The following FNDC3B variants were observed in gnomAD, a reference collection of about 807,000 sequenced individuals.
FNDC3B encodes the protein fibronectin type III domain-containing protein 3B.
Under a neutral mutation model 151.5 loss-of-function variants are expected in FNDC3B, and 12 were observed. The ratio of observed to expected loss-of-function variants is 0.08; its 90% CI spans 0.05 to 0.13. FNDC3B has a LOEUF of 0.13. Ranked by LOEUF, FNDC3B falls within the 10% of genes least tolerant of loss-of-function variation. FNDC3B has a pLI of 1.00. For synonymous variants in FNDC3B, 528 were observed against 549.0 expected (o/e 0.96, Z 0.54); for missense variants, 1,214 against 1,505.3 (o/e 0.81, Z 3.20).
At chr3:172,068,285 A>G (rs1324317667) in intron 1 of FNDC3B, among the ~76,000 whole-genome samples, 1 of 152,206 alleles carries the variant, frequency 6.6e-6, no homozygotes. Context: ...AAAGAACAGA[A>G]GCTAATGATG....
intron 9 of FNDC3B, chr3:172,302,944 G>GAC (rs1731004479): frequency 6.6e-6 from 1 of 151,806 alleles, no homozygotes; most frequent in African/African-American, 2.4e-5. Flanking sequence ...CAGAGACAGA[G>GAC]AGACAAGAGA....
At position 172,362,700 on chromosome 3, in the gene FNDC3B, C is replaced by T. The variant is rs751768080; in HGVS notation, c.2863C>T (p.Arg955Trp). 5.0e-6 allele frequency: 8 copies of T among 1,613,932 alleles called. No homozygotes were observed. Among genetic ancestry groups the T allele is most frequent in the Middle Eastern group, 3.3e-4 (2 of 6,062 alleles). The part of the protein sequence containing the change: ...PFSQFIKAKT[R>W]PLPPLPPRLE... ...TAGTCAGTTCATTAAAGCAAAAACTCGGCCATTACCACCCTTGCCTCCTAG... is the reference window on the plus strand; with the variant it reads ...TAGTCAGTTCATTAAAGCAAAAACTTGGCCATTACCACCCTTGCCTCCTAG... Residue 955 changes from arginine (R) to tryptophan (W), a missense_variant, in exon 23 of 26, where the codon CGG (arginine) becomes TGG (tryptophan). Physicochemically the swap from Arg to Trp is moderately radical, Grantham distance 101. Around this residue, in one of 7 missense-constraint regions of FNDC3B, gnomAD observed 284 missense variants for 392.4 expected, o/e 0.72. Coordinates refer to ENST00000415807, the MANE Select transcript of FNDC3B (RefSeq NM_022763.4).
At position 172,379,865 on chromosome 3, in the gene FNDC3B, G is replaced by A. The variant is rs563965421; in HGVS notation, c.3176-1101G>A. Among the ~76,000 whole-genome samples, 7 of 152,278 alleles carry A rather than the reference G, an allele frequency of 4.6e-5. No individual in the cohort carries two copies. The East Asian group carries it at 9.7e-4, about 21-fold the overall frequency. ...CAAAAAATACAATGGCACATTGATA[G>A]TGCTTGCATCTCCCAGCCTTTCTAC... On this transcript the variant is annotated intron_variant, in intron 24 of 25. Transcript: ENST00000415807.
chr3:172,306,381 C>T (rs1731201712), intron 9 of FNDC3B, among the ~76,000 whole-genome samples: 1 of 152,150 alleles, frequency 6.6e-6, no homozygotes, highest in African/African-American at 2.4e-5. Context: ...TCTGTGTTTC[C>T]TTCTGTCTGC....
intron 1 of FNDC3B, among the ~76,000 whole-genome samples, chr3:172,041,469 CCTT>C (rs1428729663): frequency 2.8e-5 from 4 of 143,776 alleles, no homozygotes; most frequent in Non-Finnish European, 6.0e-5. Context: ...TCCTCCTCCT[CCTT>C]CTTGTTCTTG....
intron 11 of FNDC3B, among the ~76,000 whole-genome samples, chr3:172,316,052 G>A (rs996939038): frequency 3.0e-5 from 4 of 135,134 alleles, no homozygotes; most frequent in African/African-American, 1.1e-4. Context: ...TTGTTGCCCA[G>A]GCTGGAGTGC....
chr3:172,051,875 A>G (rs546691274), intron 1 of FNDC3B, among the ~76,000 whole-genome samples: 1 of 152,298 alleles, frequency 6.6e-6, no homozygotes, highest in East Asian at 1.9e-4. Context: ...TCATGTTTCT[A>G]TTAGATTGTG....
chr3:172,242,810 G>C (rs566995723), intron 4 of FNDC3B, among the ~76,000 whole-genome samples: 1 of 152,318 alleles, frequency 6.6e-6, no homozygotes, highest in Admixed American at 6.5e-5. Context: ...CAGTGGGCTT[G>C]AATTTCTCCT....
At chr3:172,153,851 G>A (rs561488847) in intron 3 of FNDC3B, among the ~76,000 whole-genome samples, 103 of 152,230 alleles carry the variant, frequency 6.8e-4, no homozygotes, top group Middle Eastern at 3.4e-3. Context: ...GGTTGGTGGC[G>A]ATGTGAGCTC....
chr3:172,168,776 G>T (rs1482622819), intron 3 of FNDC3B, among the ~76,000 whole-genome samples: 1 of 148,834 alleles, frequency 6.7e-6, no homozygotes, highest in African/African-American at 2.5e-5. Flanking sequence ...GCAGTGGCGC[G>T]ATCTCGGCTC....
Position 172,057,697 on chromosome 3 carries a change from T to C in FNDC3B, c.-29+17926T>C, listed in dbSNP as rs368054817. On this transcript the variant is annotated intron_variant, in intron 1 of 25. Transcript: ENST00000415807. ...ATAACATCTACCTTTTTTTTTTTTT[T>C]TTTAAATGAGGCAGTCAGTGCAGTC... Among the ~76,000 whole-genome samples the C allele has an allele frequency of 5.4e-3, 821 of 151,988 alleles. 2 individuals carry two copies. The highest frequency in any genetic ancestry group is 8.5e-3 in the Non-Finnish European group (576 of 67,938).
intron 21 of FNDC3B, among the ~76,000 whole-genome samples, chr3:172,349,891 G>A (rs1482069789): frequency 6.6e-6 from 1 of 152,060 alleles, no homozygotes; most frequent in Non-Finnish European, 1.5e-5. Context: ...CCCGACCTCA[G>A]ATGATCCACC....
chr3:172,130,818 AATCTAGGAC>A (rs1721050302), intron 2 of FNDC3B, among the ~76,000 whole-genome samples: 1 of 152,150 alleles, frequency 6.6e-6, no homozygotes, highest in Non-Finnish European at 1.5e-5. Context: ...TGTCAGAGAA[AATCTAGGAC>A]ATAGAGTCTT....
At chr3:172,066,490 A>G (rs192754819) in intron 1 of FNDC3B, among the ~76,000 whole-genome samples, 2 of 152,026 alleles carry the variant, frequency 1.3e-5, no homozygotes, top group East Asian at 3.9e-4. Flanking sequence ...GAAAATGACT[A>G]CAATTTCCTG....
At chr3:172,156,292 ATTTG>A in intron 3 of FNDC3B, among the ~76,000 whole-genome samples, 1 of 152,372 alleles carries the variant, frequency 6.6e-6, no homozygotes, top group South Asian at 2.1e-4. Context: ...TAAGGCTGTC[ATTTG>A]TTTGGCATCC....
intron 22 of FNDC3B, among the ~76,000 whole-genome samples, chr3:172,356,493 G>A (rs1381858848): frequency 6.6e-6 from 1 of 152,146 alleles, no homozygotes; most frequent in African/African-American, 2.4e-5. Context: ...CCAGATTATA[G>A]GTAGAGATCT....
chr3:172,241,386 G>T (rs184028669), intron 4 of FNDC3B, among the ~76,000 whole-genome samples: 9 of 152,230 alleles, frequency 5.9e-5, no homozygotes, highest in Admixed American at 2.0e-4. Flanking sequence ...TCTCACCTTG[G>T]CTTGTAAATG....
Position 172,397,536 on chromosome 3 carries a change from A to G in FNDC3B, c.*61A>G. ...CATTTTAATACACACATTTATTCAG[A>G]TACTCCCCTTTTTAAAGCCCTTTTG... On this transcript the variant is annotated 3_prime_UTR_variant, in exon 26 of 26. Coordinates refer to ENST00000415807, the MANE Select transcript of FNDC3B (RefSeq NM_022763.4). The G allele has an allele frequency of 9.3e-7, 1 of 1,074,028 alleles. No homozygotes were observed. Among genetic ancestry groups the G allele is most frequent in the East Asian group, 2.5e-5 (1 of 40,348 alleles). The allele number at this position is 1,074,028 out of a possible 1,614,324, so 66.5% of individuals were successfully genotyped here.
intron 23 of FNDC3B, among the ~76,000 whole-genome samples, chr3:172,374,243 A>T (rs1223694761): frequency 6.6e-6 from 1 of 152,200 alleles, no homozygotes; most frequent in Non-Finnish European, 1.5e-5. Flanking sequence ...CCTAGAAAAA[A>T]ATCTGTGTTA....
Sources: allele counts gnomAD v4.1 joint callset (sites outside exome capture counted in the v4.1 genomes callset), GRCh38; gene constraint gnomAD v4.1.1; regional missense constraint gnomAD v4.1.1; transcripts MANE v1.5; gene names NCBI Gene and HGNC (gene_info 2026-07-23, HGNC 2026-07-21).